PLEKHD1: variants seen among roughly 807,000 people sequenced by gnomAD.
PLEKHD1 encodes the protein pleckstrin homology and coiled-coil domain containing D1, also known as pleckstrin homology domain-containing family D member 1.
PLEKHD1 carries 51 observed loss-of-function variants against 69.2 expected under a neutral mutation model. The ratio of observed to expected loss-of-function variants is 0.74; its 90% confidence interval spans 0.59 to 0.93. The LOEUF is 0.93. Ranked by LOEUF, PLEKHD1 falls within the 40% of genes least tolerant of loss-of-function variation. The pLI is 0.00. For synonymous variants in PLEKHD1, 236 were observed against 244.7 expected (o/e 0.96, Z 0.33); for missense variants, 584 against 641.0 (o/e 0.91, Z 0.96).
intron 1 of PLEKHD1, among the ~76,000 whole-genome samples, chr14:69,489,558 C>CAAAA (rs1166429791): frequency 0.08 from 4,738 of 59,142 alleles, 380 homozygotes; most frequent in African/African-American, 0.12. Flanking sequence ...TACTCCATCT[C>CAAAA]AAAAAAAAAA....
At chr14:69,474,905 G>A in the PLEKHD1 span, among the ~76,000 whole-genome samples, 1 of 151,940 alleles carries the variant, frequency 6.6e-6, no homozygotes, top group African/African-American at 2.4e-5. Flanking sequence ...ATCCAGGCTG[G>A]AGTGTGGTGG....
intron 2 of PLEKHD1, 34 bp from the exon 3 acceptor site, chr14:69,500,538 TGGGTG>T (rs1484286021): frequency 6.7e-7 from 1 of 1,495,930 alleles, no homozygotes; most frequent in East Asian, 2.5e-5. Context: ...TGACCCCAGT[TGGGTG>T]GGGTGGGGGC....
chr14:69,520,099 G>A (rs532270345), intron 6 of PLEKHD1, among the ~76,000 whole-genome samples: 4 of 149,258 alleles, frequency 2.7e-5, no homozygotes, highest in African/African-American at 5.0e-5. Flanking sequence ...CCAGGGAGGC[G>A]GAGTTTGCAG....
chr14:69,470,359 A>T, the PLEKHD1 span, among the ~76,000 whole-genome samples: 1 of 151,612 alleles, frequency 6.6e-6, no homozygotes, highest in East Asian at 2.0e-4. Flanking sequence ...GCTACTCGGG[A>T]TACTGAGGCA....
At chr14:69,512,825 G>A (rs1486172255) in intron 6 of PLEKHD1, among the ~76,000 whole-genome samples, 1 of 151,882 alleles carries the variant, frequency 6.6e-6, no homozygotes, top group African/African-American at 2.4e-5. Flanking sequence ...ACTTTGGGAA[G>A]CCAAGGCAGG....
At position 69,529,055 on chromosome 14, in the gene PLEKHD1, T is replaced by A. The variant is rs372773383; in HGVS notation, c.*636T>A. 8 of 153,016 alleles carry A rather than the reference T, an allele frequency of 5.2e-5. No homozygotes were observed. Among genetic ancestry groups the A allele is most frequent in the African/African-American group, 1.9e-4 (8 of 41,584 alleles). The allele number at this position is 153,016 out of a possible 1,614,324, so 9.5% of individuals were successfully genotyped here. ...ACCACACACCCGCCACAGTGCCGCT[T>A]TTCCTGAGCTCAGGCCCTGGCTGTG... On this transcript the variant is annotated 3_prime_UTR_variant, in exon 13 of 13. Coordinates refer to ENST00000322564, the MANE Select transcript of PLEKHD1 (RefSeq NM_001161498.2).
upstream of PLEKHD1, among the ~76,000 whole-genome samples, chr14:69,480,196 G>C (rs373202269): frequency 4.5e-4 from 68 of 152,386 alleles, 3 homozygotes; most frequent in South Asian, 5.0e-3. Context: ...GCAATCTAGG[G>C]CAGGAGCCTG....
chr14:69,480,825 G>A (rs1036010871), upstream of PLEKHD1, among the ~76,000 whole-genome samples: 4 of 152,128 alleles, frequency 2.6e-5, no homozygotes, highest in Admixed American at 2.0e-4. Context: ...GCTAATTTCT[G>A]TATTTTCAGC....
intron 6 of PLEKHD1, among the ~76,000 whole-genome samples, chr14:69,516,913 C>T (rs529156697): frequency 1.6e-4 from 25 of 152,272 alleles, no homozygotes; most frequent in Admixed American, 4.6e-4. Context: ...TCAGGCGATC[C>T]GCCTGTCTTG....
chr14:69,504,970 A>G (rs938013763), intron 6 of PLEKHD1, among the ~76,000 whole-genome samples: 3 of 152,236 alleles, frequency 2.0e-5, no homozygotes, highest in Non-Finnish European at 2.9e-5. Flanking sequence ...GCAGGGAGAG[A>G]GACAGACTTA....
intron 1 of PLEKHD1, 26 bp from the exon 2 acceptor site, chr14:69,500,089 T>C: frequency 6.6e-7 from 1 of 1,505,352 alleles, no homozygotes; most frequent in African/African-American, 1.4e-5. Context: ...TCCTGGTTGC[T>C]TTTCCTTCCC....
the PLEKHD1 span, among the ~76,000 whole-genome samples, chr14:69,479,140 G>A: frequency 3.9e-5 from 6 of 152,298 alleles, no homozygotes; most frequent in South Asian, 8.3e-4. Flanking sequence ...AAGAGAGCTC[G>A]TGCAGGGAAA....
chr14:69,473,623 T>A, the PLEKHD1 span, among the ~76,000 whole-genome samples: 1 of 152,294 alleles, frequency 6.6e-6, no homozygotes, highest in Admixed American at 6.5e-5. Context: ...TTTGTTACCA[T>A]GTTAGCCACT....
At chr14:69,498,057 A>ATTTTATTTTATTTTATTTTAT (rs1555337189) in intron 1 of PLEKHD1, among the ~76,000 whole-genome samples, 20 of 124,694 alleles carry the variant, frequency 1.6e-4, no homozygotes, top group African/African-American at 5.5e-4. Flanking sequence ...ATTTTATTTT[A>ATTTTATTTTATTTTATTTTAT]TTTATTTTAT....
rs1183832143 is a variant in PLEKHD1, at chr14:69,522,494, G to C, written c.650+117G>C. 3 of 1,118,284 alleles carry C rather than the reference G, an allele frequency of 2.7e-6. No homozygotes were observed. The East Asian group carries it at 8.0e-5, about 30-fold the overall frequency. 69.3% of individuals were successfully genotyped at this position (1,118,284 alleles called of 1,614,324 possible). A position where few individuals can be genotyped will look rare whatever the true frequency, so the allele number is the denominator to read the frequency against. On this transcript the variant is annotated intron_variant, in intron 7 of 12. Transcript: ENST00000322564. ...GAGATGCTATCTTCCCAAGGCTCCAGGCTTGGGTCTATCCCAGTTTGAGTC... is the reference window on the plus strand; with the variant it reads ...GAGATGCTATCTTCCCAAGGCTCCACGCTTGGGTCTATCCCAGTTTGAGTC...
Position 69,493,232 on chromosome 14 carries a change from G to A in PLEKHD1, c.150-6883G>A, listed in dbSNP as rs181027697. On this transcript the variant is annotated intron_variant, in intron 1 of 12. Transcript: ENST00000322564. ...TCTGACCTGAGCTGACCAGCAGCTT[G>A]CAGTCACTCTGCAGAGATAGCAGAG... Among the ~76,000 whole-genome samples the A allele has an allele frequency of 3.9e-5, 6 of 152,350 alleles. No homozygotes were observed. The East Asian group carries it at 7.7e-4, about 20-fold the overall frequency.
intron 5 of PLEKHD1, 53 bp downstream of exon 5, chr14:69,501,878 T>C: frequency 7.0e-7 from 1 of 1,437,920 alleles, no homozygotes; most frequent in Non-Finnish European, 9.5e-7. Flanking sequence ...GACCAGGGGC[T>C]ATAGCCAGGG....
At position 69,528,594 on chromosome 14, in the gene PLEKHD1, G is replaced by A. The variant is rs1883719483; in HGVS notation, c.*175G>A. The A allele has an allele frequency of 1.0e-5, 9 of 874,614 alleles. No homozygotes were observed. The highest frequency in any genetic ancestry group is 1.5e-5 in the Non-Finnish European group (9 of 588,252). 54.2% of individuals were successfully genotyped at this position (874,614 alleles called of 1,614,324 possible). A position where few individuals can be genotyped will look rare whatever the true frequency, so the allele number is the denominator to read the frequency against. On this transcript the variant is annotated 3_prime_UTR_variant, in exon 13 of 13. Coordinates refer to ENST00000322564, the MANE Select transcript of PLEKHD1 (RefSeq NM_001161498.2). ...CTTGCCCTCAAAGGACATGGACGCT[G>A]CCTTCCTCATCCTCACCCCACACCC...
chr14:69,471,866 A>G, the PLEKHD1 span, among the ~76,000 whole-genome samples: 1 of 152,158 alleles, frequency 6.6e-6, no homozygotes, highest in Non-Finnish European at 1.5e-5. Flanking sequence ...TTCATAATCC[A>G]CATTTATTTT....
Sources: gnomAD v4.1 joint callset for allele counts (sites outside exome capture counted in the v4.1 genomes callset) on GRCh38, gnomAD v4.1.1 for gene constraint, MANE v1.5 for transcripts, NCBI Gene and HGNC (gene_info 2026-07-23, HGNC 2026-07-21) for gene names.